The following TESPA1 variants were observed in gnomAD, a reference collection of about 807,000 sequenced individuals.
TESPA1 encodes the protein protein TESPA1.
TESPA1 carries 33 observed loss-of-function variants against 57.9 expected under a neutral mutation model. The ratio of observed to expected loss-of-function variants is 0.57; its 90% confidence interval spans 0.43 to 0.76. The LOEUF (loss-of-function observed/expected upper bound fraction) is 0.76. Ranked by LOEUF, TESPA1 falls within the 30% of genes least tolerant of loss-of-function variation. The probability of loss-of-function intolerance (pLI) is 0.00; values close to 1 mark genes in which losing one functional copy is unlikely to be tolerated. For synonymous variants in TESPA1, 227 were observed against 228.9 expected (o/e 0.99, Z 0.07); for missense variants, 618 against 632.9 (o/e 0.98, Z 0.25).
chr12:54,952,274 G>A (rs7962763), intron 10 of TESPA1, among the ~76,000 whole-genome samples: 6,989 of 152,212 alleles, frequency 0.046, 527 homozygotes, highest in African/African-American at 0.16. Context: ...CAGAACTGTA[G>A]TAAATAAATT....
chr12:54,965,474 C>A (rs1951367538), intron 7 of TESPA1, among the ~76,000 whole-genome samples: 1 of 152,144 alleles, frequency 6.6e-6, no homozygotes, highest in Non-Finnish European at 1.5e-5. Context: ...TGTTAGTTTG[C>A]TGAGGATAAC....
intron 1 of TESPA1, among the ~76,000 whole-genome samples, chr12:54,982,739 C>T (rs1001645448): frequency 3.9e-5 from 6 of 152,218 alleles, no homozygotes; most frequent in African/African-American, 1.4e-4. Flanking sequence ...ATTTCTCAAC[C>T]ATTGTGTTAG....
At chr12:54,959,245 C>A (rs1040806164) in intron 10 of TESPA1, among the ~76,000 whole-genome samples, 1 of 152,106 alleles carries the variant, frequency 6.6e-6, no homozygotes, top group Admixed American at 6.6e-5. Flanking sequence ...TTTAATGGGA[C>A]GGGATGGCTA....
intron 10 of TESPA1, among the ~76,000 whole-genome samples, 182 bp downstream of exon 10, chr12:54,960,985 AG>A (rs1255370008): frequency 2.0e-5 from 3 of 152,088 alleles, no homozygotes; most frequent in Non-Finnish European, 4.4e-5. Flanking sequence ...ATTGATCTAG[AG>A]AGGTATTTTC....
chr12:54,951,062 C>G (rs965398530), intron 10 of TESPA1, among the ~76,000 whole-genome samples: 1 of 152,122 alleles, frequency 6.6e-6, no homozygotes, highest in Non-Finnish European at 1.5e-5. Context: ...GACTTCACAC[C>G]ATTAACATCC....
chr12:54,981,912 T>C (rs1158734595), intron 1 of TESPA1: 2 of 152,224 alleles, frequency 1.3e-5, no homozygotes, highest in Non-Finnish European at 2.9e-5. Flanking sequence ...TCTCTTCTCT[T>C]CTGTCTGTTT....
At position 54,950,373 on chromosome 12, in the gene TESPA1, T is replaced by C. The variant is rs1255223781; in HGVS notation, c.*19A>G. ...CCAATTCTGTCAGACCACATGCTGT[T>C]GTGGTGGTGGAGAAAGCCTGCAATG... On this transcript the variant is annotated 3_prime_UTR_variant, in exon 11 of 11. Transcript: ENST00000449076. 2.2e-6 allele frequency: 1 copy of C among 456,458 alleles called. No homozygotes were observed. Among genetic ancestry groups the C allele is most frequent in the East Asian group, 6.9e-5 (1 of 14,396 alleles). 28.3% of individuals were successfully genotyped at this position (456,458 alleles called of 1,614,324 possible).
In TESPA1 at chr12:54,949,673, G is replaced by C. The variant is rs1950265655; in HGVS notation, c.*719C>G. Reference sequence around the variant, plus strand: ...GTATTGTTTTCTGCCAACAGAAATAGCATTTTTTCCCCCCACAATGGCTAG... The same window carrying C: ...GTATTGTTTTCTGCCAACAGAAATACCATTTTTTCCCCCCACAATGGCTAG... On this transcript the variant is annotated 3_prime_UTR_variant, in exon 11 of 11. Transcript: ENST00000449076. The C allele has an allele frequency of 6.6e-6, 1 of 152,422 alleles. No individual in the cohort carries two copies. The allele number at this position is 152,422 out of a possible 1,614,324, so 9.4% of individuals were successfully genotyped here. A position where few individuals can be genotyped will look rare whatever the true frequency, so the allele number is the denominator to read the frequency against.
chr12:54,974,543 C>G lies in TESPA1; in HGVS notation c.20G>C (p.Ser7Thr). ...CCGCCGTTTCTCCCAGGATGTGGGG[C>G]TCAGCACAGAGGCCTCCATGGCCCT... MEASVLSPTSWEKRRAW... is the reference protein window; with the variant it reads MEASVLTPTSWEKRRAW... The change falls in exon 2 of 11, where the codon AGC (serine) becomes ACC (threonine). Residue 7 changes from serine (S) to threonine (T), a missense_variant. Physicochemically the swap from Ser to Thr is moderately conservative, Grantham distance 58 (BLOSUM62 1). This residue lies in a region of TESPA1 where 199 missense variants were observed against 184.0 expected (regional missense o/e 1.08). Coordinates refer to ENST00000449076, the MANE Select transcript of TESPA1 (RefSeq NM_001136030.3). The G allele has an allele frequency of 6.3e-7, 1 of 1,596,112 alleles. No homozygotes were observed. The highest frequency in any genetic ancestry group is 8.5e-7 in the Non-Finnish European group (1 of 1,171,114).
At chr12:54,957,297 A>G (rs1532048) in intron 10 of TESPA1, among the ~76,000 whole-genome samples, 17,244 of 152,172 alleles carry the variant, frequency 0.11, 2,349 homozygotes, top group East Asian at 0.64. Flanking sequence ...TCCACTACTA[A>G]CAAGTAGTAG....
chr12:54,972,709 G>A (rs1951912180), intron 3 of TESPA1, among the ~76,000 whole-genome samples: 2 of 152,070 alleles, frequency 1.3e-5, no homozygotes, highest in African/African-American at 4.8e-5. Flanking sequence ...TGGATTATTT[G>A]GTGTTATTTA....
intron 10 of TESPA1, among the ~76,000 whole-genome samples, chr12:54,952,593 A>G (rs771147320): frequency 3.1e-4 from 47 of 152,240 alleles, no homozygotes; most frequent in Non-Finnish European, 6.2e-4. Flanking sequence ...CCCAGAGATA[A>G]AGTTTATGCT....
intron 10 of TESPA1, among the ~76,000 whole-genome samples, chr12:54,955,362 G>A (rs1950668417): frequency 6.6e-6 from 1 of 152,258 alleles, no homozygotes; most frequent in Admixed American, 6.5e-5. Context: ...TATCAAGGAG[G>A]GTAGCACCTG....
At position 54,961,238 on chromosome 12, in the gene TESPA1, A is replaced by C; in HGVS notation, c.1497T>G (p.Ser499Arg). Residue 499 changes from serine to arginine, a missense_variant, in exon 10 of 11, where the codon AGT (serine) becomes AGG (arginine). Physicochemically the swap from Ser to Arg is moderately radical, Grantham distance 110. This residue lies in a region of TESPA1 where 409 missense variants were observed against 420.1 expected (regional missense o/e 0.97). Coordinates refer to ENST00000449076, the MANE Select transcript of TESPA1 (RefSeq NM_001136030.3). ...TGGGTCTGCTGGGCCAGCGACTCTGACTCTGCTCCTCCTCACTGTTGCTTT... is the reference window on the plus strand; with the variant it reads ...TGGGTCTGCTGGGCCAGCGACTCTGCCTCTGCTCCTCCTCACTGTTGCTTT... Reference protein sequence around the residue: ...EVQSNSEEEQSQSRWPSRPRH... With the variant: ...EVQSNSEEEQRQSRWPSRPRH... 6.2e-7 allele frequency: 1 copy of C among 1,613,876 alleles called. No individual in the cohort carries two copies. The highest frequency in any genetic ancestry group is 8.5e-7 in the Non-Finnish European group (1 of 1,179,858).
intron 1 of TESPA1, among the ~76,000 whole-genome samples, chr12:54,977,089 T>A (rs978368818): frequency 4.6e-5 from 7 of 152,000 alleles, no homozygotes; most frequent in Non-Finnish European, 8.8e-5. Context: ...TCTTAGGTCT[T>A]ATCACTAACA....
intron 10 of TESPA1, among the ~76,000 whole-genome samples, chr12:54,955,698 A>G (rs1302680771): frequency 6.6e-6 from 1 of 152,242 alleles, no homozygotes; most frequent in Non-Finnish European, 1.5e-5. Context: ...TGTAATACAT[A>G]TCATAGTCTG....
intron 2 of TESPA1, 137 bp from the exon 3 acceptor site, chr12:54,973,656 A>G (rs1951985826): frequency 6.6e-7 from 1 of 1,509,160 alleles, no homozygotes; most frequent in Non-Finnish European, 8.9e-7. Flanking sequence ...GCTTTTCTTT[A>G]AGATATGAGA....
At position 54,971,485 on chromosome 12, in the gene TESPA1, AGAAAACAGAG is replaced by A. The variant is rs200278725; in HGVS notation, c.206+1982_206+1991del. 1.2e-3 allele frequency among the ~76,000 whole-genome samples: 178 copies of A among 152,368 alleles called. 1 individual carries two copies. In the East Asian group the frequency reaches 0.027, roughly 23 times the overall value. On this transcript the variant is annotated intron_variant, in intron 3 of 10. Transcript: ENST00000449076. ...AAGTATTACACACTTAAACAGAATTAGAAAACAGAGGAAATTGGAAAATGTTCTGACTCCA... is the reference window on the plus strand; with the variant it reads ...AAGTATTACACACTTAAACAGAATTAGAAATTGGAAAATGTTCTGACTCCA...
chr12:54,965,430 G>C (rs933814308), intron 7 of TESPA1, among the ~76,000 whole-genome samples: 1 of 152,122 alleles, frequency 6.6e-6, no homozygotes, highest in South Asian at 2.1e-4. Flanking sequence ...CCACTTAGAC[G>C]TGAAAACATG....
Sources: allele counts gnomAD v4.1 joint callset (sites outside exome capture counted in the v4.1 genomes callset), GRCh38; gene constraint gnomAD v4.1.1; regional missense constraint gnomAD v4.1.1; transcripts MANE v1.5; gene names NCBI Gene and HGNC (gene_info 2026-07-23, HGNC 2026-07-21).